COL19A1: variants seen among roughly 807,000 people sequenced by gnomAD.
The protein encoded by COL19A1 is collagen type XIX alpha 1 chain, also known as collagen alpha-1(XIX) chain.
A neutral mutation model predicts 190.2 loss-of-function variants in COL19A1; 159 were observed. The ratio of observed to expected loss-of-function variants is 0.84; its 90% CI spans 0.73 to 0.95. The LOEUF (loss-of-function observed/expected upper bound fraction) is 0.95, where lower values mean the gene tolerates loss of function less well. Among genes scored for constraint, COL19A1 ranks in the 40% least tolerant of loss-of-function variants. The probability of loss-of-function intolerance (pLI) is 0.00; values close to 1 mark genes in which losing one functional copy is unlikely to be tolerated. For synonymous variants in COL19A1, 509 were observed against 458.9 expected (o/e 1.11, Z -1.39); for missense variants, 1,418 against 1,431.9 (o/e 0.99, Z 0.16).
chr6:70,075,695 T>C (rs748728614), intron 15 of COL19A1, among the ~76,000 whole-genome samples: 45 of 147,548 alleles, frequency 3.0e-4, no homozygotes, highest in Non-Finnish European at 5.4e-4. Flanking sequence ...TGTGTCTCCT[T>C]GTGGTAAATT....
rs1766783374 is a variant in COL19A1, at chr6:70,190,304, T to C, written c.3028-11T>C. The C allele has an allele frequency of 6.9e-6, 11 of 1,589,018 alleles. No homozygotes were observed. The highest frequency in any genetic ancestry group is 9.5e-6 in the Non-Finnish European group (11 of 1,160,474). On this transcript the variant is annotated splice_polypyrimidine_tract_variant and intron_variant, in intron 47 of 50. Transcript: ENST00000620364. ...GCTCTATTTTAACAACCTTTTTTTT[T>C]CCTTCTTCAGGCTGATGCAGTTTCA...
intron 14 of COL19A1, among the ~76,000 whole-genome samples, chr6:70,053,426 C>T (rs1193246942): frequency 1.3e-5 from 2 of 152,162 alleles, no homozygotes; most frequent in Non-Finnish European, 2.9e-5. Flanking sequence ...AAGTCACATA[C>T]TACCCATGTT....
chr6:70,195,137 A>T (rs1234638244), intron 48 of COL19A1, among the ~76,000 whole-genome samples: 1 of 22,746 alleles, frequency 4.4e-5, no homozygotes, highest in Non-Finnish European at 7.6e-5. Flanking sequence ...ATCATTGATG[A>T]TATATATATA....
chr6:69,906,605 T>C (rs1426126948), intron 4 of COL19A1, among the ~76,000 whole-genome samples: 8 of 152,202 alleles, frequency 5.3e-5, no homozygotes. Flanking sequence ...TAACACAGAT[T>C]AAATTTAATA....
chr6:69,933,196 A>C (rs1772891970), intron 7 of COL19A1, among the ~76,000 whole-genome samples: 1 of 151,528 alleles, frequency 6.6e-6, no homozygotes, highest in Admixed American at 6.6e-5. Context: ...CTTTATTCTC[A>C]CTCATTTTCC....
chr6:69,981,136 G>C (rs2150065100), intron 11 of COL19A1, among the ~76,000 whole-genome samples: 1 of 152,186 alleles, frequency 6.6e-6, no homozygotes, highest in African/African-American at 2.4e-5. Flanking sequence ...CACAGAGTTG[G>C]CACACAAATG....
chr6:69,878,282 C>T (rs1462214784), intron 1 of COL19A1, among the ~76,000 whole-genome samples: 2 of 151,768 alleles, frequency 1.3e-5, no homozygotes, highest in African/African-American at 4.8e-5. Context: ...GGCACAATCT[C>T]AGCTCACTGC....
At chr6:69,876,184 C>T (rs148258538) in intron 1 of COL19A1, among the ~76,000 whole-genome samples, 25 of 152,152 alleles carry the variant, frequency 1.6e-4, no homozygotes, top group African/African-American at 5.5e-4. Context: ...GGCAATTCTT[C>T]GATAACTAGA....
chr6:70,207,056 T>G, intron 50 of COL19A1, 78 bp downstream of exon 50: 1 of 1,602,562 alleles, frequency 6.2e-7, no homozygotes, highest in Non-Finnish European at 8.5e-7. Context: ...GGTCCTTATA[T>G]GTCAAGTCGA....
At chr6:69,999,309 C>G (rs1174455070) in intron 11 of COL19A1, among the ~76,000 whole-genome samples, 2 of 151,914 alleles carry the variant, frequency 1.3e-5, no homozygotes, top group African/African-American at 4.8e-5. Flanking sequence ...AGGCAGGAGG[C>G]CACTTGAACC....
rs1317057394 is a variant in COL19A1 at position 70,209,587 on chromosome 6, T to C, written c.*2313T>C. 1 of 152,358 alleles carries C rather than the reference T, an allele frequency of 6.6e-6. No individual in the cohort carries two copies. The highest frequency in any genetic ancestry group is 1.9e-4 in the East Asian group (1 of 5,194). 9.4% of individuals were successfully genotyped at this position (152,358 alleles called of 1,614,324 possible). A position where few individuals can be genotyped will look rare whatever the true frequency, so the allele number is the denominator to read the frequency against. Reference sequence around the variant, plus strand: ...CATTAAGGCTTGACTGGTTAATTCCTATTTCAAGGATTTGGATTTATTCAG... The same window carrying C: ...CATTAAGGCTTGACTGGTTAATTCCCATTTCAAGGATTTGGATTTATTCAG... On this transcript the variant is annotated 3_prime_UTR_variant, in exon 51 of 51. Transcript: ENST00000620364.
chr6:70,166,761 A>G (rs1032895203), intron 37 of COL19A1, among the ~76,000 whole-genome samples: 7 of 152,056 alleles, frequency 4.6e-5, no homozygotes. Context: ...AGAGATTAGC[A>G]CTCTATTTCC....
intron 17 of COL19A1, among the ~76,000 whole-genome samples, chr6:70,122,540 G>A (rs751030759): frequency 1.3e-5 from 2 of 152,124 alleles, no homozygotes; most frequent in African/African-American, 2.4e-5. Context: ...AGAAGATCTA[G>A]GTGAGATCAT....
chr6:69,888,777 CAA>C (rs35211332), intron 2 of COL19A1, among the ~76,000 whole-genome samples: 16 of 126,216 alleles, frequency 1.3e-4, no homozygotes, highest in East Asian at 5.3e-4. Flanking sequence ...GACTCTAGCT[CAA>C]AAAAAAAAAA....
chr6:69,938,166 T>TAAA, intron 9 of COL19A1, 66 bp downstream of exon 9: 1 of 1,448,748 alleles, frequency 6.9e-7, no homozygotes, highest in East Asian at 2.3e-5. Flanking sequence ...AAAAATGTGT[T>TAAA]CATCTCATTT....
In COL19A1 at chr6:70,173,478, C is replaced by T. The variant is rs150379990; in HGVS notation, c.2622+1461C>T. Among the ~76,000 whole-genome samples the T allele has an allele frequency of 8.5e-5, 13 of 152,236 alleles. No homozygotes were observed. The East Asian group carries it at 2.5e-3, about 29-fold the overall frequency. ...GGTAGGAGGAAAACTTGGTATCCTA[C>T]AATCCAAGAGAGAATAATGAATCAA... On this transcript the variant is annotated intron_variant, in intron 41 of 50. Transcript: ENST00000620364.
At chr6:70,109,541 A>AGT (rs60219800) in intron 16 of COL19A1, among the ~76,000 whole-genome samples, 6,981 of 143,920 alleles carry the variant, frequency 0.049, 167 homozygotes, top group Middle Eastern at 0.067. Flanking sequence ...CCGTTTTGTA[A>AGT]GTGTGTGTGT....
Position 70,144,372 on chromosome 6 carries a change from T to C in COL19A1, c.1680+109T>C, listed in dbSNP as rs143890471. 5.3e-4 allele frequency: 488 copies of C among 928,428 alleles called. 3 individuals are homozygous for C. The South Asian group carries it at 6.9e-3, about 13-fold the overall frequency. The allele number at this position is 928,428 out of a possible 1,614,324, so 57.5% of individuals were successfully genotyped here. A position where few individuals can be genotyped will look rare whatever the true frequency, so the allele number is the denominator to read the frequency against. On this transcript the variant is annotated intron_variant, in intron 24 of 50. Coordinates refer to ENST00000620364, the MANE Select transcript of COL19A1 (RefSeq NM_001858.6). The stretch of plus-strand genomic sequence containing the variant: ...CCAGGGCTTCTGGGATTGTACAGAT[T>C]GTGCACATTAACTACAATGTAAATG...
At chr6:69,921,071 A>ATATCATATATTCATAGG (rs1771713957) in intron 4 of COL19A1, among the ~76,000 whole-genome samples, 1 of 89,898 alleles carries the variant, frequency 1.1e-5, no homozygotes, top group Non-Finnish European at 2.1e-5. Flanking sequence ...ATATTCATAG[A>ATATCATATATTCATAGG]CATATCATAT....
Sources: gnomAD v4.1 joint callset for allele counts (sites outside exome capture counted in the v4.1 genomes callset) on GRCh38, gnomAD v4.1.1 for gene constraint, MANE v1.5 for transcripts, NCBI Gene and HGNC (gene_info 2026-07-23, HGNC 2026-07-21) for gene names.